Variants in CABLES1 observed in about 807,000 individuals in gnomAD.
CABLES1 encodes Cdk5 and Abl enzyme substrate 1.
Under a neutral mutation model 57.8 loss-of-function variants are expected in CABLES1, and 36 were observed. The ratio of observed to expected loss-of-function variants is 0.62; its 90% CI spans 0.48 to 0.82. CABLES1 has a LOEUF of 0.82. CABLES1 is among the 40% of genes least tolerant of loss of function. The pLI is 0.00. For synonymous variants in CABLES1, 374 were observed against 363.0 expected (o/e 1.03, Z -0.35); for missense variants, 767 against 836.6 (o/e 0.92, Z 1.03).
intron 4 of CABLES1, among the ~76,000 whole-genome samples, chr18:23,224,560 GC>G (rs2047513184): frequency 1.5e-5 from 2 of 135,950 alleles, no homozygotes; most frequent in Admixed American, 7.8e-5. Context: ...CAGTCACAGA[GC>G]TTTTTTTTTT....
chr18:23,226,018 A>G (rs539003372), intron 4 of CABLES1, among the ~76,000 whole-genome samples: 7 of 152,370 alleles, frequency 4.6e-5, no homozygotes, highest in Admixed American at 4.6e-4. Flanking sequence ...GAATTGTGAA[A>G]AACAGGAATA....
chr18:23,136,678 C>G, intron 1 of CABLES1, 71 bp downstream of exon 1: 1 of 1,046,130 alleles, frequency 9.6e-7, no homozygotes, highest in Non-Finnish European at 1.3e-6. Flanking sequence ...CCCGCGGTCT[C>G]TGGGCTACGG....
chr18:23,144,499 C>T (rs908059833), intron 1 of CABLES1, among the ~76,000 whole-genome samples: 15 of 152,212 alleles, frequency 9.9e-5, no homozygotes, highest in Admixed American at 5.2e-4. Context: ...GTCTCTCCCA[C>T]CCTCAGGAGG....
At chr18:23,179,923 G>A (rs2047152430) in intron 1 of CABLES1, among the ~76,000 whole-genome samples, 1 of 151,946 alleles carries the variant, frequency 6.6e-6, no homozygotes, top group South Asian at 2.1e-4. Flanking sequence ...TTTTATTTTT[G>A]TTTTTTGTTT....
chr18:23,256,663 G>C (rs953219932), intron 9 of CABLES1, among the ~76,000 whole-genome samples: 1 of 151,970 alleles, frequency 6.6e-6, no homozygotes, highest in Admixed American at 6.5e-5. Context: ...GTTATTTTTA[G>C]TAGAGACGAC....
chr18:23,174,209 G>A (rs1444800880), intron 1 of CABLES1, among the ~76,000 whole-genome samples: 1 of 152,072 alleles, frequency 6.6e-6, no homozygotes, highest in Admixed American at 6.5e-5. Context: ...AATCATACAC[G>A]ACGTGGTCTC....
At position 23,165,885 on chromosome 18, in the gene CABLES1, A is replaced by G. The variant is rs988957600; in HGVS notation, c.846-22953A>G. 2.0e-5 allele frequency among the ~76,000 whole-genome samples: 3 copies of G among 152,126 alleles called. 1 individual carries two copies. The highest frequency in any genetic ancestry group is 7.2e-5 in the African/African-American group (3 of 41,410). ...GAAAGCGATCTCTCATGTAGGGGTG[A>G]GTTACAAAGGGAAAGGGATGGCTGA... On this transcript the variant is annotated intron_variant, in intron 1 of 9. Coordinates refer to ENST00000256925, the MANE Select transcript of CABLES1 (RefSeq NM_001100619.3).
At chr18:23,203,133 C>T (rs1295268999) in intron 3 of CABLES1, among the ~76,000 whole-genome samples, 1 of 152,148 alleles carries the variant, frequency 6.6e-6, no homozygotes, top group Non-Finnish European at 1.5e-5. Context: ...AGCGACAGAG[C>T]CCTCGTTTCA....
chr18:23,167,859 G>A (rs1598808362), intron 1 of CABLES1, among the ~76,000 whole-genome samples: 1 of 152,204 alleles, frequency 6.6e-6, no homozygotes, highest in African/African-American at 2.4e-5. Context: ...TGGGGGAGGG[G>A]CCCTAGATTG....
intron 5 of CABLES1, 60 bp downstream of exon 5, chr18:23,234,764 G>C (rs56910660): frequency 3.4e-5 from 46 of 1,343,456 alleles, no homozygotes; most frequent in Middle Eastern, 4.9e-4. Context: ...TCAGGAAGCA[G>C]AGGAGGGGGG....
chr18:23,235,984 C>T lies in CABLES1; in HGVS notation c.1275C>T (p.Phe425=), dbSNP rs1429666289. 1.9e-6 allele frequency: 3 copies of T among 1,614,224 alleles called. No individual in the cohort carries two copies. The South Asian group carries it at 3.3e-5, about 18-fold the overall frequency. The stretch of plus-strand genomic sequence containing the variant: ...ACTCCACCTCCTCTTTCTCCCAGTT[C>T]CGTAACCTGAGCCACCGCAGCCTCT... ...TIDSTSSFSQ[F]RNLSHRSLSI... Residue 425 remains phenylalanine, a synonymous_variant, in exon 6 of 10, where the codon TTC becomes TTT. Transcript: ENST00000256925.
intron 1 of CABLES1, among the ~76,000 whole-genome samples, chr18:23,148,899 C>CT (rs1242638945): frequency 1.3e-5 from 2 of 152,070 alleles, no homozygotes; most frequent in African/African-American, 4.8e-5. Context: ...TAGCAGTGCT[C>CT]TTTTTTTGAG....
At chr18:23,233,174 A>G (rs138972816) in intron 4 of CABLES1, among the ~76,000 whole-genome samples, 1 of 152,262 alleles carries the variant, frequency 6.6e-6, no homozygotes, top group African/African-American at 2.4e-5. Context: ...GGGAGTGTTT[A>G]AAACTCCTGG....
chr18:23,245,855 A>C (rs963596791), intron 7 of CABLES1, among the ~76,000 whole-genome samples: 1 of 152,246 alleles, frequency 6.6e-6, no homozygotes, highest in Non-Finnish European at 1.5e-5. Context: ...CTTGCAAAAA[A>C]CACAACTGCC....
At chr18:23,194,986 G>A (rs2047271789) in intron 3 of CABLES1, among the ~76,000 whole-genome samples, 1 of 152,198 alleles carries the variant, frequency 6.6e-6, no homozygotes, top group Admixed American at 6.5e-5. Flanking sequence ...CTTTTTAGGA[G>A]AGTAGAATCA....
chr18:23,222,603 A>G (rs2047497235), intron 4 of CABLES1, among the ~76,000 whole-genome samples: 1 of 149,432 alleles, frequency 6.7e-6, no homozygotes, highest in South Asian at 2.1e-4. Context: ...AATTAGATAT[A>G]TAGATATATA....
At chr18:23,222,528 C>T (rs1568074381) in intron 4 of CABLES1, among the ~76,000 whole-genome samples, 1 of 149,040 alleles carries the variant, frequency 6.7e-6, no homozygotes, top group East Asian at 1.9e-4. Flanking sequence ...CTCTCTCTCT[C>T]TCTGTCTCTC....
intron 1 of CABLES1, among the ~76,000 whole-genome samples, chr18:23,150,771 G>A (rs553141454): frequency 6.7e-6 from 1 of 149,148 alleles, no homozygotes; most frequent in East Asian, 2.0e-4. Flanking sequence ...TTCTCGGGAA[G>A]ATGAGAAAGC....
chr18:23,195,975 ACAAAGC>A (rs1213407232), intron 3 of CABLES1, among the ~76,000 whole-genome samples: 4 of 152,260 alleles, frequency 2.6e-5, no homozygotes, highest in African/African-American at 9.6e-5. Context: ...GAAATCAATG[ACAAAGC>A]CAAAGGAATG....
Sources: allele counts gnomAD v4.1 joint callset (sites outside exome capture counted in the v4.1 genomes callset), GRCh38; gene constraint gnomAD v4.1.1; transcripts MANE v1.5; gene names NCBI Gene and HGNC (gene_info 2026-07-23, HGNC 2026-07-21).